The following AK9 variants were observed in gnomAD, a reference collection of about 807,000 sequenced individuals.
The protein encoded by AK9 is adenylate kinase 9.
AK9 carries 191 observed loss-of-function variants against 239.6 expected under a neutral mutation model. The observed-to-expected ratio is 0.80, with a 90% CI of 0.71 to 0.90. AK9 has a LOEUF of 0.90. Among genes scored for constraint, AK9 ranks in the 40% least tolerant of loss-of-function variants. The probability of loss-of-function intolerance (pLI) is 0.00; values close to 1 mark genes in which losing one functional copy is unlikely to be tolerated. For missense variants in AK9, 1,995 were observed against 2,214.7 expected, an observed-to-expected ratio of 0.90 and a Z score of 1.99; for synonymous variants, 689 against 721.0, an observed-to-expected ratio of 0.96 and a Z score of 0.71.
intron 33 of AK9, among the ~76,000 whole-genome samples, chr6:109,508,188 T>C (rs1206412891): frequency 2.0e-5 from 3 of 152,224 alleles, no homozygotes; most frequent in Non-Finnish European, 2.9e-5. Context: ...GAGGGGATTG[T>C]TGGCTAGGCT....
chr6:109,634,338 T>C (rs1796464590), intron 10 of AK9, among the ~76,000 whole-genome samples: 1 of 152,228 alleles, frequency 6.6e-6, no homozygotes, highest in South Asian at 2.1e-4. Flanking sequence ...GCCAGTGCCA[T>C]GCACTTGGAC....
In AK9 at chr6:109,575,915, G is replaced by A. The variant is rs933305944; in HGVS notation, c.2192-2321C>T. 5.3e-5 allele frequency among the ~76,000 whole-genome samples: 8 copies of A among 152,178 alleles called. 1 individual carries two copies. The South Asian group carries it at 1.7e-3, about 32-fold the overall frequency. On this transcript the variant is annotated intron_variant, in intron 20 of 40. Coordinates refer to ENST00000424296, the MANE Select transcript of AK9 (RefSeq NM_001145128.3). Reference sequence around the variant, plus strand: ...TTATCCCAGCACCATTTGTTGAATAGGGTGTCCTTTCTCCATTTTATGTTT... The same window carrying A: ...TTATCCCAGCACCATTTGTTGAATAAGGTGTCCTTTCTCCATTTTATGTTT...
At chr6:109,515,318 C>T (rs932730696) in intron 31 of AK9, among the ~76,000 whole-genome samples, 1 of 152,138 alleles carries the variant, frequency 6.6e-6, no homozygotes, top group African/African-American at 2.4e-5. Context: ...GGGAAAAATA[C>T]CCATAAAAGG....
In AK9 at chr6:109,563,692, A is replaced by G. The variant is rs752587592; in HGVS notation, c.2656T>C (p.Trp886Arg). Reference sequence around the variant, plus strand: ...TCATAATCTTCCCCAGTTAACTCCCATGCAGTATATTGAAATGGTTCTGGA... The same window carrying G: ...TCATAATCTTCCCCAGTTAACTCCCGTGCAGTATATTGAAATGGTTCTGGA... The part of the protein sequence containing the change: ...TMEKPFQYTA[W>R]ELTGEDYEEE... Residue 886 changes from tryptophan to arginine, a missense_variant, in exon 24 of 41, where the codon TGG becomes CGG. By Grantham distance (101) the Trp-to-Arg change is moderately radical (BLOSUM62 -3). Coordinates refer to ENST00000424296, the MANE Select transcript of AK9 (RefSeq NM_001145128.3). 12 of 1,550,302 alleles carry G rather than the reference A, an allele frequency of 7.7e-6. No homozygotes were observed. The highest frequency in any genetic ancestry group is 1.7e-4 in the Middle Eastern group (1 of 5,990).
At position 109,585,921 on chromosome 6, in the gene AK9, T is replaced by C; in HGVS notation, c.1994A>G (p.Asn665Ser). Reference protein sequence around the residue: ...DLVIYLSDTENNGKCLFNRIY... With the variant: ...DLVIYLSDTESNGKCLFNRIY... ...CATAATAAATATTTACCAACCATTG[T>C]TTTCTGTATCTGATAAATAGATGAC... Residue 665 changes from asparagine (N) to serine (S), a missense_variant, in exon 18 of 41, where the codon AAC becomes AGC. Asn to Ser is a conservative substitution (Grantham distance 46). Transcript: ENST00000424296. 1 of 1,530,994 alleles carries C rather than the reference T, an allele frequency of 6.5e-7. No homozygotes were observed. Among genetic ancestry groups the C allele is most frequent in the Non-Finnish European group, 8.8e-7 (1 of 1,140,584 alleles). The allele number at this position is 1,530,994 out of a possible 1,614,324, so 94.8% of individuals were successfully genotyped here. A position where few individuals can be genotyped will look rare whatever the true frequency, so the allele number is the denominator to read the frequency against.
chr6:109,506,529 G>A lies in AK9; in HGVS notation c.4647C>T (p.His1549=). 6.3e-7 allele frequency: 1 copy of A among 1,591,384 alleles called. No individual in the cohort carries two copies. Among genetic ancestry groups the A allele is most frequent in the Non-Finnish European group, 8.6e-7 (1 of 1,166,528 alleles). The change falls in exon 35 of 41, where the codon CAC becomes CAT. Residue 1549 remains histidine, a synonymous_variant. Coordinates refer to ENST00000424296, the MANE Select transcript of AK9 (RefSeq NM_001145128.3). The part of the protein sequence containing the change: ...ENEQRLPYPL[H]NSAQIVAVNN... Reference sequence around the variant, plus strand: ...TGACAGCTACAATTTGTGCACTATTGTGCAATGGATAAGGCAATCTAATAG... The same window carrying A: ...TGACAGCTACAATTTGTGCACTATTATGCAATGGATAAGGCAATCTAATAG...
chr6:109,507,569 GA>G (rs928330988), intron 33 of AK9, among the ~76,000 whole-genome samples: 3 of 150,580 alleles, frequency 2.0e-5, no homozygotes, highest in Non-Finnish European at 3.0e-5. Context: ...CTGAGAGGAG[GA>G]AAAAAAAAGG....
chr6:109,611,565 G>A (rs1793587249), intron 16 of AK9, among the ~76,000 whole-genome samples: 1 of 151,136 alleles, frequency 6.6e-6, no homozygotes, highest in Non-Finnish European at 1.5e-5. Context: ...GTGTGTGTGT[G>A]CACATGTTTG....
At chr6:109,534,242 A>AG (rs11453622) in intron 27 of AK9, among the ~76,000 whole-genome samples, 10,534 of 150,426 alleles carry the variant, frequency 0.07, 578 homozygotes, top group East Asian at 0.15. Context: ...AGAAAAAAAA[A>AG]GAATCAGGAT....
At chr6:109,530,667 T>A (rs1582863747) in intron 28 of AK9, among the ~76,000 whole-genome samples, 1 of 152,228 alleles carries the variant, frequency 6.6e-6, no homozygotes, top group Non-Finnish European at 1.5e-5. Context: ...ATCTCCCAGA[T>A]GGCAGCACTG....
intron 17 of AK9, among the ~76,000 whole-genome samples, chr6:109,600,965 C>T (rs970726618): frequency 2.0e-5 from 3 of 152,116 alleles, no homozygotes; most frequent in Admixed American, 2.0e-4. Flanking sequence ...ATGCTTCTCT[C>T]TTTTCTTCTT....
chr6:109,619,331 T>C (rs560408944), intron 12 of AK9, 95 bp from the exon 13 acceptor site: 1 of 1,283,242 alleles, frequency 7.8e-7, no homozygotes, highest in African/African-American at 1.6e-5. Context: ...TCTATATTTC[T>C]ATCTCTATTC....
intron 25 of AK9, among the ~76,000 whole-genome samples, chr6:109,546,561 C>T (rs570649347): frequency 3.9e-5 from 6 of 152,034 alleles, no homozygotes; most frequent in Admixed American, 6.6e-5. Flanking sequence ...GGATCATCCA[C>T]GGGATGCTGA....
intron 27 of AK9, among the ~76,000 whole-genome samples, chr6:109,534,639 A>T (rs563942172): frequency 2.6e-5 from 4 of 151,978 alleles, no homozygotes; most frequent in Non-Finnish European, 5.9e-5. Flanking sequence ...TCTAGGGTAC[A>T]TGTGCACAAC....
At chr6:109,528,680 G>A (rs376186741) in intron 29 of AK9, 2 of 473,984 alleles carry the variant, frequency 4.2e-6, no homozygotes, top group Non-Finnish European at 8.4e-6. Flanking sequence ...ATTCACACCA[G>A]GGTGACATGT....
At chr6:109,642,276 T>C (rs1310867167) in intron 9 of AK9, among the ~76,000 whole-genome samples, 4 of 152,116 alleles carry the variant, frequency 2.6e-5, no homozygotes, top group Non-Finnish European at 5.9e-5. Flanking sequence ...CCCAGGAAAT[T>C]TGTGCAGACA....
rs78959537 is a variant in AK9, at chr6:109,579,497, G to T, written c.2191+53C>A. 5.2e-4 allele frequency: 761 copies of T among 1,452,138 alleles called. 8 individuals are homozygous for T. The East Asian group carries it at 0.017, about 32-fold the overall frequency. The allele number at this position is 1,452,138 out of a possible 1,614,324, so 90.0% of individuals were successfully genotyped here. On this transcript the variant is annotated intron_variant, in intron 20 of 40. Transcript: ENST00000424296. ...ATAATTCACTTGAAATACTGCAATT[G>T]CTTGCAGTAACAATACCATGACACA...
At chr6:109,576,702 TAG>T (rs1788134119) in intron 20 of AK9, among the ~76,000 whole-genome samples, 2 of 152,234 alleles carry the variant, frequency 1.3e-5, no homozygotes, top group South Asian at 4.2e-4. Flanking sequence ...TTCCTCCAGC[TAG>T]GACTTCCAGT....
At chr6:109,629,653 G>A (rs11758651) in intron 12 of AK9, among the ~76,000 whole-genome samples, 52,299 of 149,536 alleles carry the variant, frequency 0.35, 9,469 homozygotes, top group South Asian at 0.44. Flanking sequence ...TTTTTTTTGA[G>A]ACAGAGTCTG....
Sources: allele counts gnomAD v4.1 joint callset (sites outside exome capture counted in the v4.1 genomes callset), GRCh38; gene constraint gnomAD v4.1.1; transcripts MANE v1.5; gene names NCBI Gene and HGNC (gene_info 2026-07-23, HGNC 2026-07-21).